The following GRIK1 variants were observed in gnomAD, a reference collection of about 807,000 sequenced individuals.
GRIK1 encodes the protein glutamate receptor ionotropic, kainate 1.
In GRIK1, 69 loss-of-function variants were observed where a neutral mutation model predicts 105.7. The observed-to-expected ratio is 0.65, with a 90% confidence interval of 0.54 to 0.80. The LOEUF (loss-of-function observed/expected upper bound fraction) is 0.80. GRIK1 is among the 30% of genes least tolerant of loss of function. GRIK1 has a pLI of 0.00. For missense variants in GRIK1, 1,109 were observed against 1,167.3 expected (o/e 0.95, Z 0.73); for synonymous variants, 438 against 431.3 (o/e 1.02, Z -0.19).
chr21:29,835,327 G>A (rs1030966820), intron 1 of GRIK1, among the ~76,000 whole-genome samples: 2 of 152,192 alleles, frequency 1.3e-5, no homozygotes, highest in Admixed American at 6.5e-5. Context: ...GGTCGGAAAA[G>A]TGGGAAATGG....
chr21:29,643,054 A>C, intron 6 of GRIK1, 85 bp from the exon 7 acceptor site: 1 of 1,318,142 alleles, frequency 7.6e-7, no homozygotes, highest in Non-Finnish European at 1.1e-6. Context: ...CTGCTTCCAT[A>C]GCTCTTATCT....
At chr21:29,681,668 G>A (rs1038984876) in intron 3 of GRIK1, among the ~76,000 whole-genome samples, 4 of 151,946 alleles carry the variant, frequency 2.6e-5, no homozygotes, top group Non-Finnish European at 4.4e-5. Flanking sequence ...ACTCACCACC[G>A]TTCAACAATT....
At chr21:29,611,629 A>ATTCC (rs2061731896) in intron 7 of GRIK1, among the ~76,000 whole-genome samples, 1 of 152,108 alleles carries the variant, frequency 6.6e-6, no homozygotes, top group Non-Finnish European at 1.5e-5. Context: ...TATTGAGAGG[A>ATTCC]AAGAGATCCT....
At chr21:29,850,878 A>G (rs149589515) in intron 1 of GRIK1, among the ~76,000 whole-genome samples, 1 of 152,334 alleles carries the variant, frequency 6.6e-6, no homozygotes, top group East Asian at 1.9e-4. Flanking sequence ...TCAGCAGGAA[A>G]TTTAATATTT....
chr21:29,746,976 G>T (rs74356921), intron 1 of GRIK1, among the ~76,000 whole-genome samples: 1 of 152,056 alleles, frequency 6.6e-6, no homozygotes, highest in Non-Finnish European at 1.5e-5. Context: ...ATTTTTCATC[G>T]GTTTACTTAG....
chr21:29,626,504 A>T (rs2062134757), intron 7 of GRIK1, among the ~76,000 whole-genome samples: 1 of 152,234 alleles, frequency 6.6e-6, no homozygotes, highest in African/African-American at 2.4e-5. Context: ...CACAGCAAGA[A>T]GGTGGCCATC....
chr21:29,646,327 G>A (rs942881909), intron 6 of GRIK1, among the ~76,000 whole-genome samples: 12 of 152,208 alleles, frequency 7.9e-5, no homozygotes, highest in Non-Finnish European at 1.6e-4. Context: ...AGTTGTCATA[G>A]ATCATTGCTG....
At chr21:29,853,420 T>G (rs2068367789) in intron 1 of GRIK1, among the ~76,000 whole-genome samples, 2 of 152,234 alleles carry the variant, frequency 1.3e-5, no homozygotes, top group Non-Finnish European at 2.9e-5. Flanking sequence ...AGCTACCTTT[T>G]GAATTCAAAA....
rs145209885 is a variant in GRIK1 at position 29,811,852 on chromosome 21, G to A, written c.119-117789C>T. On this transcript the variant is annotated intron_variant, in intron 1 of 17. Coordinates refer to ENST00000327783, the MANE Select transcript of GRIK1 (RefSeq NM_001330994.2). Reference sequence around the variant, plus strand: ...TTCTTGCTTCTCCGGGGTGTCAAGCGTGTTCCAGCCTCTCGGCTTTTCTAT... The same window carrying A: ...TTCTTGCTTCTCCGGGGTGTCAAGCATGTTCCAGCCTCTCGGCTTTTCTAT... 1.8e-3 allele frequency among the ~76,000 whole-genome samples: 270 copies of A among 152,246 alleles called. 1 individual carries two copies. Among genetic ancestry groups the A allele is most frequent in the Non-Finnish European group, 2.8e-3 (189 of 67,998 alleles).
intron 1 of GRIK1, among the ~76,000 whole-genome samples, chr21:29,808,863 C>T (rs561929812): frequency 2.6e-5 from 4 of 152,252 alleles, no homozygotes; most frequent in Admixed American, 1.3e-4. Context: ...AAGAAATATA[C>T]TTGAAACACA....
intron 1 of GRIK1, among the ~76,000 whole-genome samples, chr21:29,752,467 T>C (rs1279951894): frequency 6.6e-6 from 1 of 152,210 alleles, no homozygotes; most frequent in African/African-American, 2.4e-5. Flanking sequence ...AGAAGCTTAC[T>C]ATTTCTTGGA....
At chr21:29,653,801 C>T (rs1440970139) in intron 5 of GRIK1, among the ~76,000 whole-genome samples, 2 of 152,202 alleles carry the variant, frequency 1.3e-5, no homozygotes, top group East Asian at 3.9e-4. Context: ...GAAGACTATG[C>T]AAACCTTAGT....
At chr21:29,888,377 C>T (rs1456878019) in intron 1 of GRIK1, among the ~76,000 whole-genome samples, 1 of 150,020 alleles carries the variant, frequency 6.7e-6, no homozygotes, top group African/African-American at 2.5e-5. Flanking sequence ...AGATCCTCAC[C>T]CCTAGGCCTC....
At chr21:29,597,155 C>T (rs1019382583) in intron 8 of GRIK1, among the ~76,000 whole-genome samples, 1 of 152,210 alleles carries the variant, frequency 6.6e-6, no homozygotes, top group South Asian at 2.1e-4. Context: ...CCCTCGGCTC[C>T]TGAGAGAGAT....
At chr21:29,621,392 G>T (rs2061998292) in intron 7 of GRIK1, among the ~76,000 whole-genome samples, 1 of 151,604 alleles carries the variant, frequency 6.6e-6, no homozygotes, top group African/African-American at 2.4e-5. Context: ...TGGGCCTGAG[G>T]GGTGTGTGTG....
chr21:29,775,765 A>G (rs1158384295), intron 1 of GRIK1, among the ~76,000 whole-genome samples: 1 of 152,182 alleles, frequency 6.6e-6, no homozygotes, highest in East Asian at 1.9e-4. Context: ...ACTTCTCCCC[A>G]AAACCTGTTC....
At chr21:29,673,837 G>A (rs1274763128) in intron 3 of GRIK1, among the ~76,000 whole-genome samples, 1 of 152,068 alleles carries the variant, frequency 6.6e-6, no homozygotes, top group Non-Finnish European at 1.5e-5. Context: ...TTCCCTATTG[G>A]TTATTGCAAC....
intron 16 of GRIK1, among the ~76,000 whole-genome samples, chr21:29,538,421 G>A (rs73195694): frequency 0.063 from 9,635 of 152,182 alleles, 448 homozygotes; most frequent in Middle Eastern, 0.16. Context: ...GGGAGGAAGG[G>A]AAATGGGGGC....
intron 1 of GRIK1, among the ~76,000 whole-genome samples, chr21:29,793,831 T>A (rs2066488325): frequency 1.3e-5 from 2 of 152,204 alleles, no homozygotes; most frequent in African/African-American, 2.4e-5. Context: ...TATTTATAAT[T>A]CACATGTAAT....
Sources: allele counts gnomAD v4.1 joint callset (sites outside exome capture counted in the v4.1 genomes callset), GRCh38; gene constraint gnomAD v4.1.1; transcripts MANE v1.5; gene names NCBI Gene and HGNC (gene_info 2026-07-23, HGNC 2026-07-21).